The following MEGF11 variants were observed in gnomAD, a reference collection of about 807,000 sequenced individuals.
MEGF11 encodes the protein multiple EGF like domains 11, also known as multiple epidermal growth factor-like domains protein 11.
MEGF11 carries 126 observed loss-of-function variants against 146.6 expected under a neutral mutation model. The ratio of observed to expected loss-of-function variants is 0.86; its 90% CI spans 0.74 to 1.00. The LOEUF is 1.00. Among genes scored for constraint, MEGF11 ranks in the 50% least tolerant of loss-of-function variants. The pLI, the probability that MEGF11 is intolerant of heterozygous loss-of-function variation, is 0.00. For synonymous variants in MEGF11, 532 were observed against 583.4 expected (o/e 0.91, Z 1.27); for missense variants, 1,509 against 1,521.2 (o/e 0.99, Z 0.13).
intron 5 of MEGF11, among the ~76,000 whole-genome samples, chr15:66,026,020 T>C (rs1296832510): frequency 6.6e-6 from 1 of 152,168 alleles, no homozygotes; most frequent in Non-Finnish European, 1.5e-5. Flanking sequence ...AGCCCCACAT[T>C]AGAATCACCT....
At chr15:66,021,378 T>A (rs1209145118) in intron 5 of MEGF11, among the ~76,000 whole-genome samples, 1 of 152,240 alleles carries the variant, frequency 6.6e-6, no homozygotes, top group African/African-American at 2.4e-5. Context: ...TTTATATGTA[T>A]GAGTCTTTAT....
At chr15:65,918,172 A>G (rs1413764249) in intron 15 of MEGF11, 78 bp from the exon 16 acceptor site, 3 of 1,585,060 alleles carry the variant, frequency 1.9e-6, no homozygotes, top group Admixed American at 1.7e-5. Context: ...CATCCCTAGA[A>G]GTTCCCAAGC....
intron 8 of MEGF11, among the ~76,000 whole-genome samples, chr15:65,965,603 T>TCTTTCTTTCTTTCTTTCTTTCTTTC (rs769147313): frequency 1.4e-5 from 1 of 72,184 alleles, no homozygotes; most frequent in Non-Finnish European, 3.1e-5. Context: ...TTTCTTTCTT[T>TCTTTCTTTCTTTCTTTCTTTCTTTC]TTTTTTTTTC....
chr15:65,984,082 C>T (rs1474532460), intron 5 of MEGF11, among the ~76,000 whole-genome samples: 2 of 152,196 alleles, frequency 1.3e-5, no homozygotes, highest in Admixed American at 1.3e-4. Flanking sequence ...TGGTTCATCC[C>T]TTCTTCATCT....
At chr15:66,210,455 C>A (rs2091415256) in intron 1 of MEGF11, among the ~76,000 whole-genome samples, 1 of 152,130 alleles carries the variant, frequency 6.6e-6, no homozygotes, top group African/African-American at 2.4e-5. Context: ...ATTCTAGAAC[C>A]AGAGGAACAA....
chr15:66,132,503 A>G (rs544590212), intron 1 of MEGF11, among the ~76,000 whole-genome samples: 1 of 152,266 alleles, frequency 6.6e-6, no homozygotes, highest in Non-Finnish European at 1.5e-5. Context: ...TCTTCCCGTG[A>G]TCCTTTGCTT....
At chr15:66,021,338 A>G (rs2083125202) in intron 5 of MEGF11, among the ~76,000 whole-genome samples, 1 of 152,242 alleles carries the variant, frequency 6.6e-6, no homozygotes, top group Admixed American at 6.5e-5. Flanking sequence ...AGGGTTGGAC[A>G]ATGTGAATTC....
intron 3 of MEGF11, among the ~76,000 whole-genome samples, chr15:66,119,984 T>A (rs951710828): frequency 3.3e-5 from 5 of 152,212 alleles, no homozygotes; most frequent in Non-Finnish European, 7.3e-5. Flanking sequence ...CTTTTAGAGC[T>A]TTTATTCTAT....
chr15:65,933,457 C>G (rs2141323658), intron 10 of MEGF11, among the ~76,000 whole-genome samples: 1 of 152,322 alleles, frequency 6.6e-6, no homozygotes. Context: ...TGATGGGGCT[C>G]AGAGAGGCCT....
At chr15:66,161,164 G>C (rs143988595) in intron 1 of MEGF11, among the ~76,000 whole-genome samples, 1 of 152,200 alleles carries the variant, frequency 6.6e-6, no homozygotes, top group African/African-American at 2.4e-5. Context: ...GAAGTCAGAT[G>C]GGATCAGATG....
intron 1 of MEGF11, among the ~76,000 whole-genome samples, chr15:66,194,435 C>T (rs1030692300): frequency 6.6e-6 from 1 of 152,024 alleles, no homozygotes; most frequent in Non-Finnish European, 1.5e-5. Flanking sequence ...ATGGTAAAAC[C>T]CCATCTCTAC....
intron 5 of MEGF11, among the ~76,000 whole-genome samples, chr15:65,990,425 C>T (rs544158072): frequency 2.0e-5 from 3 of 151,972 alleles, no homozygotes; most frequent in African/African-American, 4.8e-5. Context: ...GCGGCATGTG[C>T]CTGTAGTCCC....
intron 5 of MEGF11, among the ~76,000 whole-genome samples, chr15:66,089,644 CA>C (rs2086243690): frequency 6.6e-6 from 1 of 152,168 alleles, no homozygotes; most frequent in African/African-American, 2.4e-5. Context: ...TAAAAGTTAA[CA>C]GGGCATATTT....
intron 1 of MEGF11, among the ~76,000 whole-genome samples, chr15:66,175,315 AAAC>A (rs1246412885): frequency 6.6e-6 from 1 of 152,202 alleles, no homozygotes; most frequent in African/African-American, 2.4e-5. Flanking sequence ...GAAATAGAAA[AAAC>A]AACCCGAAAA....
intron 1 of MEGF11, among the ~76,000 whole-genome samples, chr15:66,224,454 C>T (rs1365198315): frequency 6.6e-6 from 1 of 151,846 alleles, no homozygotes; most frequent in African/African-American, 2.4e-5. Context: ...CATGGTGGCG[C>T]ATGCCTGTAA....
intron 4 of MEGF11, among the ~76,000 whole-genome samples, chr15:66,112,402 G>A (rs1349324904): frequency 6.6e-6 from 1 of 152,180 alleles, no homozygotes; most frequent in Admixed American, 6.5e-5. Flanking sequence ...CAGAACCACA[G>A]CATCTAATAA....
At chr15:66,148,629 T>TG (rs2089456079) in intron 1 of MEGF11, among the ~76,000 whole-genome samples, 1 of 152,066 alleles carries the variant, frequency 6.6e-6, no homozygotes. Context: ...CTTTGGTCAC[T>TG]GTGTTCTTGC....
intron 4 of MEGF11, among the ~76,000 whole-genome samples, chr15:66,110,025 G>T (rs2140849634): frequency 6.6e-6 from 1 of 152,276 alleles, no homozygotes; most frequent in South Asian, 2.1e-4. Flanking sequence ...GGGGCCCCGG[G>T]GTGGCAGGGC....
At chr15:66,030,381 C>T (rs747549366) in intron 5 of MEGF11, among the ~76,000 whole-genome samples, 19 of 152,144 alleles carry the variant, frequency 1.2e-4, no homozygotes, top group Non-Finnish European at 2.2e-4. Flanking sequence ...GACCACACAT[C>T]CATTACCTCA....
Sources: gnomAD v4.1 joint callset for allele counts (sites outside exome capture counted in the v4.1 genomes callset) on GRCh38, gnomAD v4.1.1 for gene constraint, MANE v1.5 for transcripts, NCBI Gene and HGNC (gene_info 2026-07-23, HGNC 2026-07-21) for gene names.